Variants in MACROD1 observed in about 807,000 individuals in gnomAD.
MACROD1 encodes the protein ADP-ribose glycohydrolase MACROD1.
Under a neutral mutation model 41.4 loss-of-function variants are expected in MACROD1, and 31 were observed. The observed-to-expected ratio is 0.75, with a 90% confidence interval of 0.56 to 1.01. The LOEUF (loss-of-function observed/expected upper bound fraction) is 1.01. Ranked by LOEUF, MACROD1 falls within the 50% of genes least tolerant of loss-of-function variation. MACROD1 has a pLI of 0.00. For missense variants in MACROD1, 473 were observed against 460.0 expected (o/e 1.03, Z -0.26); for synonymous variants, 252 against 203.4 (o/e 1.24, Z -2.03).
rs146655044 is a variant in MACROD1 at position 64,151,290 on chromosome 11, G to T, written c.466C>A (p.Leu156Met). The change falls in exon 3 of 11, where the codon CTG becomes ATG. Residue 156 changes from leucine to methionine, a missense_variant. Physicochemically the swap from Leu to Met is conservative, Grantham distance 15 (BLOSUM62 2). Coordinates refer to ENST00000255681, the MANE Select transcript of MACROD1 (RefSeq NM_014067.4). ...AGCTTGGTGATGTCGCTGCGGAGCAGGGAGATTTTCTCATTGAGCTGCTTG... is the reference window on the plus strand; with the variant it reads ...AGCTTGGTGATGTCGCTGCGGAGCATGGAGATTTTCTCATTGAGCTGCTTG... ...KDKQLNEKIS[L>M]LRSDITKLEV... The T allele has an allele frequency of 3.8e-5, 62 of 1,613,864 alleles. No individual in the cohort carries two copies. Among genetic ancestry groups the T allele is most frequent in the Non-Finnish European group, 5.1e-5 (60 of 1,180,046 alleles).
chr11:64,136,595 G>C (rs972013308), intron 3 of MACROD1, among the ~76,000 whole-genome samples: 5 of 152,252 alleles, frequency 3.3e-5, no homozygotes, highest in Non-Finnish European at 7.3e-5. Context: ...AACAAGGCCA[G>C]GAGACAAGGC....
chr11:64,107,918 G>C (rs1179071974), intron 3 of MACROD1, among the ~76,000 whole-genome samples: 3 of 152,222 alleles, frequency 2.0e-5, no homozygotes, highest in African/African-American at 7.2e-5. Flanking sequence ...GCTCAGGGAA[G>C]AATGGCTCAT....
chr11:64,059,965 C>T (rs1217082613), intron 3 of MACROD1, among the ~76,000 whole-genome samples: 1 of 152,132 alleles, frequency 6.6e-6, no homozygotes, highest in African/African-American at 2.4e-5. Context: ...GGGGCCGGGG[C>T]ACCCTGTGGT....
chr11:64,049,246 T>G (rs1943644775), intron 3 of MACROD1, among the ~76,000 whole-genome samples: 1 of 151,972 alleles, frequency 6.6e-6, no homozygotes, highest in African/African-American at 2.4e-5. Flanking sequence ...AACACCCCAT[T>G]GTGTAGTAGG....
chr11:64,017,382 C>T (rs1943095838), intron 3 of MACROD1, among the ~76,000 whole-genome samples: 1 of 152,112 alleles, frequency 6.6e-6, no homozygotes, highest in African/African-American at 2.4e-5. Flanking sequence ...TGCGATGGTT[C>T]CCATTTTACA....
intron 3 of MACROD1, among the ~76,000 whole-genome samples, chr11:64,089,343 C>G (rs1295024936): frequency 1.3e-5 from 2 of 152,206 alleles, no homozygotes. Context: ...CGGACCCAAA[C>G]TCGGTCAAAA....
intron 3 of MACROD1, among the ~76,000 whole-genome samples, chr11:64,021,986 TGG>T (rs1943163524): frequency 1.9e-4 from 1 of 5,164 alleles, no homozygotes; most frequent in Non-Finnish European, 4.1e-4. Context: ...TCTGGAGGGG[TGG>T]GTGGGGCCTG....
At chr11:64,052,744 T>C (rs1488940516) in intron 3 of MACROD1, among the ~76,000 whole-genome samples, 3 of 152,052 alleles carry the variant, frequency 2.0e-5, no homozygotes, top group Admixed American at 6.5e-5. Flanking sequence ...CTTCTAGGGG[T>C]GGAGTTGTGA....
intron 3 of MACROD1, among the ~76,000 whole-genome samples, chr11:64,105,716 G>A (rs1031719530): frequency 2.0e-5 from 3 of 152,182 alleles, no homozygotes; most frequent in Non-Finnish European, 4.4e-5. Context: ...GGCCCTGCTG[G>A]AGTTGAGACA....
intron 1 of MACROD1, among the ~76,000 whole-genome samples, chr11:64,155,779 T>C (rs1945658318): frequency 6.6e-6 from 1 of 151,762 alleles, no homozygotes; most frequent in South Asian, 2.1e-4. Context: ...GCCTGGACAA[T>C]ATGGAGCAAC....
In MACROD1 at chr11:64,120,037, G is replaced by A. The variant is rs1182387879; in HGVS notation, c.517+31202C>T. On this transcript the variant is annotated intron_variant, in intron 3 of 10. Coordinates refer to ENST00000255681, the MANE Select transcript of MACROD1 (RefSeq NM_014067.4). The surrounding 1 kb of genome is among the most constrained non-coding windows in gnomAD (Gnocchi z 4.5). ...GAGGATGAGAGGGCTGGGAGCGCCT[G>A]GTGGTGCTATTTTCAAACGGCCTCC... Among the ~76,000 whole-genome samples, 1 of 152,192 alleles carries A rather than the reference G, an allele frequency of 6.6e-6. No homozygotes were observed.
At position 64,116,647 on chromosome 11, in the gene MACROD1, G is replaced by A. The variant is rs200610220; in HGVS notation, c.517+34592C>T. The A allele has an allele frequency of 1.8e-5, 29 of 1,614,014 alleles. No homozygotes were observed. The African/African-American group carries it at 2.0e-4, about 11-fold the overall frequency. On this transcript the variant is annotated intron_variant, in intron 3 of 10. Coordinates refer to ENST00000255681, the MANE Select transcript of MACROD1 (RefSeq NM_014067.4). ...GATGAGTTCCCCATCAACCTGCCCC[G>A]CTCCCTCCGGGAGCTGCACCTGCAG...
chr11:64,052,572 C>T (rs745360629), intron 3 of MACROD1, among the ~76,000 whole-genome samples: 3 of 152,172 alleles, frequency 2.0e-5, no homozygotes, highest in Admixed American at 6.5e-5. Flanking sequence ...ACTCCTCACC[C>T]GCTGCTCTTG....
At position 64,092,827 on chromosome 11, in the gene MACROD1, C is replaced by T. The variant is rs74718359; in HGVS notation, c.517+58412G>A. On this transcript the variant is annotated intron_variant, in intron 3 of 10. Transcript: ENST00000255681. ...AAGCATGGTTTGAAGAAGACATGAA[C>T]GCTGGGAGGTTAACACGTGTCACCA... Among the ~76,000 whole-genome samples, 142 of 152,350 alleles carry T rather than the reference C, an allele frequency of 9.3e-4. 2 individuals are homozygous for T. Among genetic ancestry groups the T allele is most frequent in the African/African-American group, 3.2e-3 (133 of 41,592 alleles).
At chr11:64,055,792 G>A (rs1943774879) in intron 3 of MACROD1, among the ~76,000 whole-genome samples, 2 of 152,162 alleles carry the variant, frequency 1.3e-5, no homozygotes, top group African/African-American at 4.8e-5. Flanking sequence ...TCATACAGAG[G>A]ATGCTGGTTT....
intron 3 of MACROD1, among the ~76,000 whole-genome samples, chr11:64,133,764 C>G (rs1042871202): frequency 1.3e-5 from 2 of 152,222 alleles, no homozygotes; most frequent in African/African-American, 4.8e-5. Flanking sequence ...GACCCTAGGG[C>G]ACCCCAGCTG....
rs1363002291 is a variant in MACROD1 at position 64,165,831 on chromosome 11, G to A, written c.164C>T (p.Ala55Val). ...PAFLGVFGRR[A>V]RTSAGVGAWG... The stretch of plus-strand genomic sequence containing the variant: ...CGCCCCAACTCCCGCCGAGGTCCGC[G>A]CACGGCGGCCGAACACGCCCAGGAA... The change falls in exon 1 of 11, where the codon GCG becomes GTG. Residue 55 changes from alanine to valine, a missense_variant. By Grantham distance (64) the Ala-to-Val change is moderately conservative. Coordinates refer to ENST00000255681, the MANE Select transcript of MACROD1 (RefSeq NM_014067.4). 2.0e-6 allele frequency: 3 copies of A among 1,477,242 alleles called. No individual in the cohort carries two copies. The highest frequency in any genetic ancestry group is 2.7e-6 in the Non-Finnish European group (3 of 1,115,602). The allele number at this position is 1,477,242 out of a possible 1,614,324, so 91.5% of individuals were successfully genotyped here. A position where few individuals can be genotyped will look rare whatever the true frequency, so the allele number is the denominator to read the frequency against.
At chr11:64,158,254 C>T (rs537258210) in intron 1 of MACROD1, among the ~76,000 whole-genome samples, 4 of 152,054 alleles carry the variant, frequency 2.6e-5, no homozygotes, top group South Asian at 2.1e-4. Context: ...GGCCCCAGCA[C>T]GTGAGACAAG....
intron 3 of MACROD1, chr11:64,104,250 C>T (rs1208757336): frequency 1.3e-5 from 2 of 152,068 alleles, no homozygotes; most frequent in East Asian, 1.9e-4. Flanking sequence ...CAGGGTTCCT[C>T]GCACCCAGAC....
Sources: allele counts gnomAD v4.1 joint callset (sites outside exome capture counted in the v4.1 genomes callset), GRCh38; gene constraint gnomAD v4.1.1; non-coding constraint Gnocchi (gnomAD v3.1); transcripts MANE v1.5; gene names NCBI Gene and HGNC (gene_info 2026-07-23, HGNC 2026-07-21).